PROCR: variants seen among roughly 807,000 people sequenced by gnomAD.
PROCR encodes the protein protein C receptor, also known as endothelial protein C receptor.
A neutral mutation model predicts 24.2 loss-of-function variants in PROCR; 22 were observed. The observed-to-expected ratio is 0.91, with a 90% CI of 0.65 to 1.30. The LOEUF is 1.30. Ranked by LOEUF, PROCR falls within the 50% of genes most tolerant of loss-of-function variation. The pLI is 0.00. For synonymous variants in PROCR, 137 were observed against 139.2 expected, an observed-to-expected ratio of 0.98 and a Z score of 0.11; for missense variants, 288 against 307.7, an observed-to-expected ratio of 0.94 and a Z score of 0.48.
downstream of PROCR, among the ~76,000 whole-genome samples, chr20:35,179,928 C>T (rs1419129683): frequency 6.6e-6 from 1 of 152,096 alleles, no homozygotes; most frequent in African/African-American, 2.4e-5. Context: ...TGAAGGTGTA[C>T]CATCCAGTTC....
At chr20:35,214,682 C>T (rs1452950125) in intron 1 of PROCR, among the ~76,000 whole-genome samples, 1 of 142,986 alleles carries the variant, frequency 7.0e-6, no homozygotes, top group Non-Finnish European at 1.5e-5. Context: ...GAGCGAAACT[C>T]CATCTCAAAA....
rs1454748594 is a variant in PROCR, at chr20:35,185,112, A to G, written c.94+8666A>G. Among the ~76,000 whole-genome samples the G allele has an allele frequency of 2.6e-5, 4 of 152,300 alleles. No homozygotes were observed. The East Asian group carries it at 7.7e-4, about 29-fold the overall frequency. On this transcript the variant is annotated intron_variant, in intron 1 of 1. Transcript: ENST00000634509. ...GACAATTCTCAAAAGAAGATATACA[A>G]ATAGCCAACAAACATGAAAAAATGC...
At chr20:35,171,097 C>T (rs573433072), upstream of PROCR, among the ~76,000 whole-genome samples, 4 of 152,098 alleles carry the variant, frequency 2.6e-5, no homozygotes, top group Non-Finnish European at 5.9e-5. Flanking sequence ...TAGAGACGTT[C>T]GCCATATTGG....
At chr20:35,179,429 CCA>C (rs1203382961), downstream of PROCR, among the ~76,000 whole-genome samples, 1 of 151,560 alleles carries the variant, frequency 6.6e-6, no homozygotes, top group Admixed American at 6.6e-5. Context: ...GCCTGTAGTT[CCA>C]GTTACTCAAG....
chr20:35,174,910 C>A lies in PROCR; in HGVS notation c.279C>A (p.Phe93Leu). 4 of 1,604,796 alleles carry A rather than the reference C, an allele frequency of 2.5e-6. No individual in the cohort carries two copies. The highest frequency in any genetic ancestry group is 3.4e-6 in the Non-Finnish European group (4 of 1,175,742). Residue 93 changes from phenylalanine (F) to leucine (L), a missense_variant, in exon 2 of 4, where the codon TTC (phenylalanine) becomes TTA (leucine). Transcript: ENST00000216968. ...QSGLQSYLLQ[F>L]HGLVRLVHQE... Reference sequence around the variant, plus strand: ...GCCTGCAGTCCTACCTGCTCCAGTTCCACGGCCTCGTGCGCCTGGTGCACC... The same window carrying A: ...GCCTGCAGTCCTACCTGCTCCAGTTACACGGCCTCGTGCGCCTGGTGCACC...
upstream of PROCR, among the ~76,000 whole-genome samples, chr20:35,171,180 C>G (rs534629054): frequency 1.8e-4 from 28 of 152,230 alleles, no homozygotes; most frequent in Admixed American, 9.2e-4. Context: ...GCAGCATGCT[C>G]GGAGGAGTGA....
chr20:35,181,923 C>A (rs2086082409), downstream of PROCR, among the ~76,000 whole-genome samples: 1 of 152,214 alleles, frequency 6.6e-6, no homozygotes, highest in Non-Finnish European at 1.5e-5. Context: ...AGTCACACCA[C>A]AGGAATGGTA....
At chr20:35,173,721 C>T (rs150051154) in intron 1 of PROCR, among the ~76,000 whole-genome samples, 224 of 152,096 alleles carry the variant, frequency 1.5e-3, no homozygotes, top group African/African-American at 5.2e-3. Flanking sequence ...TGAGCCACCG[C>T]GCCCAGTCTC....
At chr20:35,193,203 G>T (rs1170022204) in intron 1 of PROCR, among the ~76,000 whole-genome samples, 6 of 149,418 alleles carry the variant, frequency 4.0e-5, no homozygotes, top group Non-Finnish European at 8.9e-5. Flanking sequence ...TTAAGATGGA[G>T]TCTCGCTCTG....
chr20:35,213,610 G>A (rs566390206), intron 1 of PROCR, among the ~76,000 whole-genome samples: 1 of 152,148 alleles, frequency 6.6e-6, no homozygotes, highest in East Asian at 1.9e-4. Flanking sequence ...TCTTTTCAGG[G>A]AGTGGCCTTT....
At chr20:35,192,966 G>A (rs75685158) in intron 1 of PROCR, among the ~76,000 whole-genome samples, 2,208 of 152,110 alleles carry the variant, frequency 0.015, 64 homozygotes, top group African/African-American at 0.049. Flanking sequence ...TAAACTACAA[G>A]TCTTAATATA....
At position 35,176,457 on chromosome 20, in the gene PROCR, A is replaced by G. The variant is rs1600735145; in HGVS notation, c.601+11A>G. On this transcript the variant is annotated intron_variant, in intron 3 of 3. Coordinates refer to ENST00000216968, the MANE Select transcript of PROCR (RefSeq NM_006404.5). ...CGGAAAACACGAAAGGTATGATGGG[A>G]CGGGGCCCAGGCCTGCAAGCTGGGG... 6.2e-7 allele frequency: 1 copy of G among 1,612,982 alleles called. No individual in the cohort carries two copies. The highest frequency in any genetic ancestry group is 1.3e-5 in the African/African-American group (1 of 75,012).
At chr20:35,196,599 G>T (rs1462854792) in intron 1 of PROCR, among the ~76,000 whole-genome samples, 1 of 152,108 alleles carries the variant, frequency 6.6e-6, no homozygotes, top group African/African-American at 2.4e-5. Context: ...GAAAAGAACT[G>T]TCAACTTGAA....
rs1568590179 is a variant in PROCR at position 35,174,695 on chromosome 20, C to T, written c.71-7C>T. On this transcript the variant is annotated splice_region_variant and splice_polypyrimidine_tract_variant and intron_variant, in intron 1 of 3. Coordinates refer to ENST00000216968, the MANE Select transcript of PROCR (RefSeq NM_006404.5). The stretch of plus-strand genomic sequence containing the variant: ...CCGGCCCAGGCTGAAGCTGACTCTG[C>T]CCGCAGGCCTCCAAAGACTTCATAT... The T allele has an allele frequency of 7.4e-6, 12 of 1,613,730 alleles. No individual in the cohort carries two copies. The highest frequency in any genetic ancestry group is 1.0e-5 in the Non-Finnish European group (12 of 1,180,002).
chr20:35,205,128 C>T (rs547440048), intron 1 of PROCR, among the ~76,000 whole-genome samples: 44 of 151,584 alleles, frequency 2.9e-4, no homozygotes, highest in African/African-American at 9.7e-4. Flanking sequence ...CAAAAATTAG[C>T]TGGGTATGGT....
chr20:35,181,273 A>ATTTTG (rs1315549962), downstream of PROCR, among the ~76,000 whole-genome samples: 1 of 124,414 alleles, frequency 8.0e-6, no homozygotes, highest in Non-Finnish European at 1.5e-5. Context: ...TTTTAATTTA[A>ATTTTG]TTTTATTTTA....
chr20:35,184,083 C>A (rs2086102291), intron 1 of PROCR, among the ~76,000 whole-genome samples: 1 of 152,242 alleles, frequency 6.6e-6, no homozygotes, highest in East Asian at 1.9e-4. Context: ...CAAAAAAGAG[C>A]CCACATGGCC....
chr20:35,178,231 C>T (rs142329630), downstream of PROCR, among the ~76,000 whole-genome samples: 1,174 of 151,466 alleles, frequency 7.8e-3, 12 homozygotes, highest in African/African-American at 0.027. Context: ...CAGTGAAACC[C>T]TATCTCTACT....
At chr20:35,178,243 A>C (rs1172745639), downstream of PROCR, among the ~76,000 whole-genome samples, 1 of 151,362 alleles carries the variant, frequency 6.6e-6, no homozygotes, top group Non-Finnish European at 1.5e-5. Flanking sequence ...ATCTCTACTA[A>C]AAATACAAAA....
Sources: allele counts gnomAD v4.1 joint callset (sites outside exome capture counted in the v4.1 genomes callset), GRCh38; gene constraint gnomAD v4.1.1; transcripts MANE v1.5; gene names NCBI Gene and HGNC (gene_info 2026-07-23, HGNC 2026-07-21).